Variants in SPATA6L observed in about 807,000 individuals in gnomAD.
SPATA6L encodes spermatogenesis associated 6 like.
In SPATA6L, 68 loss-of-function variants were observed where a neutral mutation model predicts 49.2. The observed-to-expected ratio is 1.38, with a 90% CI of 1.14 to 1.69. SPATA6L has a LOEUF of 1.69. SPATA6L is among the 40% of genes most tolerant of loss of function. The probability of loss-of-function intolerance (pLI) is 0.00; values close to 1 mark genes in which losing one functional copy is unlikely to be tolerated. For synonymous variants in SPATA6L, 198 were observed against 165.7 expected (o/e 1.19, Z -1.50); for missense variants, 668 against 464.3 (o/e 1.44, Z -4.03).
intron 2 of SPATA6L, among the ~76,000 whole-genome samples, chr9:4,660,249 C>T (rs888360373): frequency 9.9e-5 from 15 of 152,186 alleles, no homozygotes; most frequent in Non-Finnish European, 1.5e-4. Flanking sequence ...AGGCAACCTA[C>T]AGAAAGGGAG....
intron 9 of SPATA6L, among the ~76,000 whole-genome samples, chr9:4,606,297 C>T (rs549663087): frequency 1.4e-5 from 2 of 143,876 alleles, no homozygotes; most frequent in East Asian, 4.8e-4. Context: ...GAGCCCACCA[C>T]AGCTCAAGGA....
At chr9:4,653,061 T>A (rs1200019626) in intron 3 of SPATA6L, among the ~76,000 whole-genome samples, 1 of 152,098 alleles carries the variant, frequency 6.6e-6, no homozygotes, top group African/African-American at 2.4e-5. Flanking sequence ...AAAATAGTAG[T>A]CTTGAAAAAG....
chr9:4,635,554 T>G (rs1190065550), intron 3 of SPATA6L, among the ~76,000 whole-genome samples, 155 bp from the exon 4 acceptor site: 1 of 152,206 alleles, frequency 6.6e-6, no homozygotes, highest in Admixed American at 6.5e-5. Context: ...TAATTTCTAC[T>G]ACTTTTTATC....
At chr9:4,617,190 T>C (rs1194010879) in intron 9 of SPATA6L, among the ~76,000 whole-genome samples, 1 of 152,224 alleles carries the variant, frequency 6.6e-6, no homozygotes, top group Non-Finnish European at 1.5e-5. Context: ...ACGTGGAGTT[T>C]GCTTCTTATT....
At chr9:4,646,662 A>T (rs915927096) in intron 3 of SPATA6L, 7 of 419,738 alleles carry the variant, frequency 1.7e-5, no homozygotes, top group Non-Finnish European at 2.5e-5. Flanking sequence ...ATAACTGCCA[A>T]ACCAACATCA....
chr9:4,629,769 G>GTGTATATATATATATA lies in SPATA6L; in HGVS notation c.352-602_352-601insTATATATATATATACA, dbSNP rs1311805859. Among the ~76,000 whole-genome samples the GTGTATATATATATATA allele has an allele frequency of 7.0e-3, 716 of 101,746 alleles. 16 individuals carry two copies. The highest frequency in any genetic ancestry group is 0.026 in the African/African-American group (525 of 20,032). 66.7% of individuals were successfully genotyped at this position (101,746 alleles called of 152,430 possible). On this transcript the variant is annotated intron_variant, in intron 4 of 11. Transcript: ENST00000682582. ...GTGTTTTATATATGTGTGTGTGTGT[G>GTGTATATATATATATA]TATATATATATATATATATATATAT...
At chr9:4,608,959 G>A (rs1370291466) in intron 9 of SPATA6L, among the ~76,000 whole-genome samples, 1 of 151,680 alleles carries the variant, frequency 6.6e-6, no homozygotes, top group African/African-American at 2.4e-5. Context: ...AATGATAAAG[G>A]GGATATCACC....
intron 5 of SPATA6L, chr9:4,626,530 A>G (rs954229747): frequency 4.6e-6 from 6 of 1,304,124 alleles, no homozygotes; most frequent in Non-Finnish European, 4.0e-6. Flanking sequence ...TTGCTGAACC[A>G]ACATCTTCCC....
chr9:4,646,144 A>C lies in SPATA6L; in HGVS notation c.226+9897T>G, dbSNP rs535227760. On this transcript the variant is annotated intron_variant, in intron 3 of 11. Coordinates refer to ENST00000682582, the MANE Select transcript of SPATA6L (RefSeq NM_001353486.2). The stretch of plus-strand genomic sequence containing the variant: ...GTTTTACACACACACACACACACAC[A>C]CCCCACAAATTAGAACACAGCCAAA... 1.4e-3 allele frequency among the ~76,000 whole-genome samples: 214 copies of C among 151,384 alleles called. 2 individuals carry two copies. The highest frequency in any genetic ancestry group is 5.7e-3 in the Admixed American group (86 of 15,166).
intron 3 of SPATA6L, among the ~76,000 whole-genome samples, chr9:4,645,984 A>T (rs545548405): frequency 2.8e-4 from 42 of 152,368 alleles, no homozygotes; most frequent in African/African-American, 9.4e-4. Flanking sequence ...ATTATATATG[A>T]TTTAAATCGC....
chr9:4,648,308 C>G (rs796167625), intron 3 of SPATA6L, among the ~76,000 whole-genome samples: 2 of 152,286 alleles, frequency 1.3e-5, no homozygotes, highest in African/African-American at 4.8e-5. Context: ...AACCATCACC[C>G]CAATAGTAAT....
intron 3 of SPATA6L, among the ~76,000 whole-genome samples, chr9:4,635,856 C>T (rs1832703984): frequency 6.6e-6 from 1 of 152,158 alleles, no homozygotes; most frequent in African/African-American, 2.4e-5. Flanking sequence ...TGATTCTCAG[C>T]AGGGGTACCA....
intron 9 of SPATA6L, among the ~76,000 whole-genome samples, chr9:4,615,026 T>C (rs1827631683): frequency 6.6e-6 from 1 of 152,156 alleles, no homozygotes; most frequent in South Asian, 2.1e-4. Flanking sequence ...GTCCTGGCAC[T>C]GACTTTCTCC....
chr9:4,610,984 A>G (rs201557199), intron 9 of SPATA6L, among the ~76,000 whole-genome samples: 5 of 147,572 alleles, frequency 3.4e-5, no homozygotes, highest in Admixed American at 2.0e-4. Context: ...AAAAGTGGGC[A>G]AAGGACATGA....
rs888136501 is a variant in SPATA6L at position 4,656,195 on chromosome 9, T to C, written c.178-106A>G. ...AGCTCACACCTGTAATCCTAGCACTTTGGGAGGCCGAGGTGGGTGTATTGC... is the reference window on the plus strand; with the variant it reads ...AGCTCACACCTGTAATCCTAGCACTCTGGGAGGCCGAGGTGGGTGTATTGC... On this transcript the variant is annotated intron_variant, in intron 2 of 11. Coordinates refer to ENST00000682582, the MANE Select transcript of SPATA6L (RefSeq NM_001353486.2). The C allele has an allele frequency of 1.7e-5, 15 of 889,360 alleles. No individual in the cohort carries two copies. The African/African-American group carries it at 2.4e-4, about 14-fold the overall frequency. 55.1% of individuals were successfully genotyped at this position (889,360 alleles called of 1,614,324 possible). A position where few individuals can be genotyped will look rare whatever the true frequency, so the allele number is the denominator to read the frequency against.
rs1324254838 is a variant in SPATA6L at position 4,599,697 on chromosome 9, C to T, written c.*1114G>A. Among the ~76,000 whole-genome samples, 7 of 152,182 alleles carry T rather than the reference C, an allele frequency of 4.6e-5. No individual in the cohort carries two copies. The highest frequency in any genetic ancestry group is 2.1e-4 in the South Asian group (1 of 4,834). ...TCTCCTCGCCAGTGGAAGGGGCAAA[C>T]GAGCTCCCTTGAGCCTATTTATAGG... On this transcript the variant is annotated 3_prime_UTR_variant, in exon 12 of 12. Transcript: ENST00000682582.
chr9:4,623,454 T>C (rs896291169), intron 6 of SPATA6L, among the ~76,000 whole-genome samples: 22 of 151,916 alleles, frequency 1.4e-4, no homozygotes, highest in African/African-American at 5.1e-4. Context: ...AGTTGCTGAT[T>C]TGTTTTTTAC....
chr9:4,656,749 G>A (rs896006965), intron 2 of SPATA6L, among the ~76,000 whole-genome samples: 1 of 152,102 alleles, frequency 6.6e-6, no homozygotes, highest in African/African-American at 2.4e-5. Flanking sequence ...GTTGCTAAAA[G>A]CCCATCTTAA....
chr9:4,599,777 G>A lies in SPATA6L; in HGVS notation c.*1034C>T, dbSNP rs1822780361. 1.3e-5 allele frequency among the ~76,000 whole-genome samples: 2 copies of A among 152,170 alleles called. No individual in the cohort carries two copies. Among genetic ancestry groups the A allele is most frequent in the African/African-American group, 2.4e-5 (1 of 41,446 alleles). The stretch of plus-strand genomic sequence containing the variant: ...CTCACAACCTCATCACCTCCCAAAA[G>A]GCCCCATTTCCTTAGAGGTTAGGAT... On this transcript the variant is annotated 3_prime_UTR_variant, in exon 12 of 12. Coordinates refer to ENST00000682582, the MANE Select transcript of SPATA6L (RefSeq NM_001353486.2).
Sources: allele counts gnomAD v4.1 joint callset (sites outside exome capture counted in the v4.1 genomes callset), GRCh38; gene constraint gnomAD v4.1.1; transcripts MANE v1.5; gene names NCBI Gene and HGNC (gene_info 2026-07-23, HGNC 2026-07-21).